Variants in ATAD1 observed in about 807,000 individuals in gnomAD.
ATAD1 encodes ATPase family AAA domain containing 1.
Under a neutral mutation model 42.7 loss-of-function variants are expected in ATAD1, and 18 were observed. That is an observed-to-expected ratio of 0.42 (90% CI 0.29 to 0.63). ATAD1 has a LOEUF of 0.63. Among genes scored for constraint, ATAD1 ranks in the 20% least tolerant of loss-of-function variants. The pLI is 0.19. For missense variants in ATAD1, 294 were observed against 440.4 expected (o/e 0.67, Z 2.98); for synonymous variants, 132 against 143.1 (o/e 0.92, Z 0.55).
At chr10:87,828,930 G>A (rs1181135420) in intron 1 of ATAD1, among the ~76,000 whole-genome samples, 3 of 152,174 alleles carry the variant, frequency 2.0e-5, no homozygotes, top group Admixed American at 1.3e-4. Flanking sequence ...AATATTTTAA[G>A]TTCACTATTG....
chr10:87,781,689 G>A (rs574234948), intron 5 of ATAD1, among the ~76,000 whole-genome samples: 35 of 152,174 alleles, frequency 2.3e-4, no homozygotes, highest in Admixed American at 8.5e-4. Context: ...TGCCCAGGCT[G>A]CAGTGCAGTG....
At chr10:87,787,153 C>A (rs1028996649) in intron 4 of ATAD1, among the ~76,000 whole-genome samples, 3 of 152,156 alleles carry the variant, frequency 2.0e-5, no homozygotes, top group African/African-American at 4.8e-5. Flanking sequence ...ATTAGCTTTG[C>A]AACCTTTAAA....
chr10:87,787,901 A>T (rs1014428609), intron 4 of ATAD1, among the ~76,000 whole-genome samples: 1 of 152,206 alleles, frequency 6.6e-6, no homozygotes, highest in Admixed American at 6.5e-5. Context: ...GCACCAAAAC[A>T]TGAAGTATAA....
At chr10:87,807,853 C>T (rs1258442125) in intron 2 of ATAD1, among the ~76,000 whole-genome samples, 1 of 152,102 alleles carries the variant, frequency 6.6e-6, no homozygotes, top group Non-Finnish European at 1.5e-5. Flanking sequence ...TTTAGGATTG[C>T]CTTCCCTATT....
intron 8 of ATAD1, among the ~76,000 whole-genome samples, chr10:87,764,344 C>T (rs1047004147): frequency 6.6e-6 from 1 of 152,066 alleles, no homozygotes; most frequent in African/African-American, 2.4e-5. Context: ...TGCCTGTAAT[C>T]CCAGCTACTC....
At chr10:87,785,695 ATT>A (rs1186079620) in intron 4 of ATAD1, among the ~76,000 whole-genome samples, 2 of 151,294 alleles carry the variant, frequency 1.3e-5, no homozygotes, top group Non-Finnish European at 3.0e-5. Context: ...AGGAAAAATA[ATT>A]TTGTATGAAA....
intron 2 of ATAD1, among the ~76,000 whole-genome samples, chr10:87,803,682 G>A (rs997339081): frequency 6.6e-6 from 1 of 152,110 alleles, no homozygotes; most frequent in Non-Finnish European, 1.5e-5. Flanking sequence ...GAACACCCTG[G>A]GCACATGTCA....
intron 2 of ATAD1, among the ~76,000 whole-genome samples, chr10:87,798,458 G>A (rs1429513684): frequency 2.0e-5 from 3 of 151,942 alleles, no homozygotes; most frequent in Non-Finnish European, 1.5e-5. Context: ...GAGTTGCTAC[G>A]TTCTCTTTCT....
chr10:87,799,685 A>C (rs972582402), intron 2 of ATAD1, among the ~76,000 whole-genome samples: 1 of 152,180 alleles, frequency 6.6e-6, no homozygotes, highest in Non-Finnish European at 1.5e-5. Context: ...ATAATTAGGT[A>C]AATGCAATGG....
rs1438627524 is a variant in ATAD1, at chr10:87,814,559, T to C, written c.41A>G (p.Asn14Ser). Residue 14 changes from asparagine (N) to serine (S), a missense_variant, in exon 2 of 10, where the codon AAT (asparagine) becomes AGT (serine). Asn to Ser is a conservative substitution (Grantham distance 46). Coordinates refer to ENST00000680024, the MANE Select transcript of ATAD1 (RefSeq NM_001321967.2). ...ACGGAAAATTAAACCAACAACTTCATTCCGACTCAAAGGACGAGAAAAGGC... is the reference window on the plus strand; with the variant it reads ...ACGGAAAATTAAACCAACAACTTCACTCCGACTCAAAGGACGAGAAAAGGC... ...AEAFSRPLSR[N>S]EVVGLIFRLT... 1 of 1,611,706 alleles carries C rather than the reference T, an allele frequency of 6.2e-7. No individual in the cohort carries two copies. Among genetic ancestry groups the C allele is most frequent in the Non-Finnish European group, 8.5e-7 (1 of 1,178,994 alleles).
rs1854246880 is a variant in ATAD1, at chr10:87,756,909, A to G, written c.845T>C (p.Val282Ala). The change falls in exon 9 of 10, where the codon GTA (valine) becomes GCA (alanine). Residue 282 changes from valine to alanine, a missense_variant. This residue lies in a region of ATAD1 where 142 missense variants were observed against 174.6 expected (regional missense o/e 0.81). Transcript: ENST00000680024. Reference protein sequence around the residue: ...ILKNENVDRHVDLLEVAQETD... With the variant: ...ILKNENVDRHADLLEVAQETD... ...TTCCTGGGCAACTTCTAGCAGGTCT[A>G]CATGCCTATCCACCTTAAACAAATA... 1 of 1,605,514 alleles carries G rather than the reference A, an allele frequency of 6.2e-7. No homozygotes were observed. Among genetic ancestry groups the G allele is most frequent in the Middle Eastern group, 1.7e-4 (1 of 5,904 alleles).
intron 2 of ATAD1, among the ~76,000 whole-genome samples, chr10:87,801,967 G>GT (rs895889956): frequency 4.6e-5 from 7 of 151,976 alleles, no homozygotes; most frequent in Admixed American, 2.0e-4. Flanking sequence ...CCTTTGTTTT[G>GT]TTTTTTTCAA....
chr10:87,814,650 T>TATACTTATTA, intron 1 of ATAD1, 38 bp from the exon 2 acceptor site: 1 of 1,403,904 alleles, frequency 7.1e-7, no homozygotes, highest in Non-Finnish European at 9.3e-7. Context: ...AGGTAATAAC[T>TATACTTATTA]ATACTTATTA....
At chr10:87,813,485 G>A (rs1250133093) in intron 2 of ATAD1, among the ~76,000 whole-genome samples, 1 of 151,654 alleles carries the variant, frequency 6.6e-6, no homozygotes, top group Non-Finnish European at 1.5e-5. Flanking sequence ...TCTCCAAAGT[G>A]CCTTTCAGAT....
upstream of ATAD1, chr10:87,818,315 C>T (rs1468396849): frequency 3.2e-6 from 3 of 950,444 alleles, no homozygotes; most frequent in African/African-American, 1.8e-5. Flanking sequence ...GCGGAGGGGG[C>T]GTGCTCCCAG....
chr10:87,793,016 C>T (rs1589520188), intron 2 of ATAD1, among the ~76,000 whole-genome samples: 1 of 152,272 alleles, frequency 6.6e-6, no homozygotes. Context: ...AGAGATCTTA[C>T]ACTTCCAAGA....
chr10:87,804,187 T>TA (rs1470789807), intron 2 of ATAD1, among the ~76,000 whole-genome samples: 1 of 152,200 alleles, frequency 6.6e-6, no homozygotes, highest in African/African-American at 2.4e-5. Context: ...CTTCAGCTCT[T>TA]ACTTCTCTCA....
At chr10:87,822,837 A>G (rs951918338), upstream of ATAD1, among the ~76,000 whole-genome samples, 2 of 152,150 alleles carry the variant, frequency 1.3e-5, no homozygotes, top group African/African-American at 4.8e-5. Context: ...GAGGTAATGG[A>G]TACCTCATTT....
Position 87,754,571 on chromosome 10 carries a change from A to G in ATAD1, c.*116T>C. 3 of 1,239,718 alleles carry G rather than the reference A, an allele frequency of 2.4e-6. No individual in the cohort carries two copies. The highest frequency in any genetic ancestry group is 1.1e-6 in the Non-Finnish European group (1 of 913,066). 76.8% of individuals were successfully genotyped at this position (1,239,718 alleles called of 1,614,324 possible). ...AATAACTTAGAATTCAGAGTATAAA[A>G]CCATAAACACTGAGCTCCCTCATTG... On this transcript the variant is annotated 3_prime_UTR_variant, in exon 10 of 10. Transcript: ENST00000680024.
Sources: allele counts gnomAD v4.1 joint callset (sites outside exome capture counted in the v4.1 genomes callset), GRCh38; gene constraint gnomAD v4.1.1; regional missense constraint gnomAD v4.1.1; transcripts MANE v1.5; gene names NCBI Gene and HGNC (gene_info 2026-07-23, HGNC 2026-07-21).